Variants in TMEM132D observed in about 807,000 individuals in gnomAD.
TMEM132D encodes the protein transmembrane protein 132D.
Under a neutral mutation model 62.3 loss-of-function variants are expected in TMEM132D, and 21 were observed. The ratio of observed to expected loss-of-function variants is 0.34; its 90% confidence interval spans 0.24 to 0.49. TMEM132D has a LOEUF of 0.49. Among genes scored for constraint, TMEM132D ranks in the 20% least tolerant of loss-of-function variants. TMEM132D has a pLI of 0.99. For synonymous variants in TMEM132D, 621 were observed against 575.6 expected, an observed-to-expected ratio of 1.08 and a Z score of -1.13; for missense variants, 1,346 against 1,402.8, an observed-to-expected ratio of 0.96 and a Z score of 0.65.
chr12:129,161,005 G>A (rs1290751531), intron 5 of TMEM132D, among the ~76,000 whole-genome samples: 2 of 152,172 alleles, frequency 1.3e-5, no homozygotes, highest in East Asian at 1.9e-4. Context: ...ATACTATTTC[G>A]ATGGATTCTG....
intron 1 of TMEM132D, among the ~76,000 whole-genome samples, chr12:129,738,716 A>T (rs1869505926): frequency 1.3e-5 from 2 of 152,176 alleles, no homozygotes; most frequent in South Asian, 4.1e-4. Context: ...GGCCTTTTAT[A>T]ACAAAAGGCG....
chr12:129,095,156 C>T (rs1875060478), intron 5 of TMEM132D, among the ~76,000 whole-genome samples: 1 of 151,202 alleles, frequency 6.6e-6, no homozygotes, highest in South Asian at 2.1e-4. Context: ...ATGTTGTGCA[C>T]ATGTACCCTA....
intron 3 of TMEM132D, among the ~76,000 whole-genome samples, chr12:129,500,153 G>T (rs1309619388): frequency 1.4e-5 from 2 of 147,952 alleles, no homozygotes; most frequent in Non-Finnish European, 3.0e-5. Flanking sequence ...ACCCTGAGTG[G>T]GGAGGCAATT....
At chr12:129,634,323 A>AT (rs1879423220) in intron 2 of TMEM132D, among the ~76,000 whole-genome samples, 1 of 151,738 alleles carries the variant, frequency 6.6e-6, no homozygotes, top group African/African-American at 2.4e-5. Flanking sequence ...AAAAAAAAAA[A>AT]ATTAGCGGGG....
intron 8 of TMEM132D, among the ~76,000 whole-genome samples, chr12:129,078,144 A>G (rs528513250): frequency 6.6e-6 from 1 of 152,334 alleles, no homozygotes; most frequent in South Asian, 2.1e-4. Flanking sequence ...CAGGCTGTGC[A>G]CCTGCTCTGA....
chr12:129,115,284 T>C (rs1016193562), intron 5 of TMEM132D, among the ~76,000 whole-genome samples: 1 of 152,224 alleles, frequency 6.6e-6, no homozygotes, highest in Non-Finnish European at 1.5e-5. Context: ...GCTGGGATCT[T>C]TGAGCTCAGC....
intron 1 of TMEM132D, among the ~76,000 whole-genome samples, chr12:129,743,590 C>A (rs1869677048): frequency 6.6e-6 from 1 of 151,904 alleles, no homozygotes; most frequent in Non-Finnish European, 1.5e-5. Context: ...TTATTAGCAG[C>A]ATGAGAATGG....
intron 5 of TMEM132D, among the ~76,000 whole-genome samples, chr12:129,130,469 T>C (rs1342563143): frequency 6.6e-6 from 1 of 152,160 alleles, no homozygotes; most frequent in Non-Finnish European, 1.5e-5. Context: ...CTGGAATGAA[T>C]GCCCTAGTGC....
At chr12:129,677,488 T>A (rs554565728) in intron 2 of TMEM132D, among the ~76,000 whole-genome samples, 1 of 152,236 alleles carries the variant, frequency 6.6e-6, no homozygotes, top group Admixed American at 6.5e-5. Flanking sequence ...CAACAGTGAA[T>A]GTTGCTGTGA....
chr12:129,424,644 C>G (rs1179887684), intron 3 of TMEM132D, among the ~76,000 whole-genome samples: 1 of 128,520 alleles, frequency 7.8e-6, no homozygotes, highest in African/African-American at 2.9e-5. Context: ...GGAGGCGGAG[C>G]TTGCAGTGAG....
At chr12:129,615,790 CA>C (rs1390283857) in intron 2 of TMEM132D, among the ~76,000 whole-genome samples, 1 of 138,300 alleles carries the variant, frequency 7.2e-6, no homozygotes. Context: ...CAAAACAAAA[CA>C]AAACAAAATA....
chr12:129,898,430 G>T (rs544560878), intron 1 of TMEM132D, among the ~76,000 whole-genome samples: 1 of 152,234 alleles, frequency 6.6e-6, no homozygotes, highest in South Asian at 2.1e-4. Flanking sequence ...AAAGGCAGAA[G>T]TGCACTCCCC....
intron 1 of TMEM132D, among the ~76,000 whole-genome samples, chr12:129,838,473 G>A (rs1873075650): frequency 6.6e-6 from 1 of 152,166 alleles, no homozygotes; most frequent in Admixed American, 6.5e-5. Flanking sequence ...TGATTCCTTA[G>A]TTACTTAAAT....
chr12:129,593,969 T>C (rs978115552), intron 2 of TMEM132D, among the ~76,000 whole-genome samples: 1 of 152,208 alleles, frequency 6.6e-6, no homozygotes, highest in African/African-American at 2.4e-5. Context: ...CAACCCCCTG[T>C]TATGTATCAT....
intron 3 of TMEM132D, among the ~76,000 whole-genome samples, chr12:129,462,089 A>C (rs1873696264): frequency 6.6e-6 from 1 of 152,204 alleles, no homozygotes; most frequent in Admixed American, 6.5e-5. Context: ...AAATAATAGA[A>C]AAACCCAGGC....
At chr12:129,859,617 A>C (rs1873829040) in intron 1 of TMEM132D, among the ~76,000 whole-genome samples, 1 of 152,200 alleles carries the variant, frequency 6.6e-6, no homozygotes, top group South Asian at 2.1e-4. Flanking sequence ...GGCGGGCACC[A>C]ACCAATCAGC....
intron 3 of TMEM132D, among the ~76,000 whole-genome samples, chr12:129,381,386 A>G (rs1475192700): frequency 1.3e-5 from 2 of 152,234 alleles, no homozygotes; most frequent in Admixed American, 6.5e-5. Context: ...GAATACTGGA[A>G]AACACTTCTT....
intron 3 of TMEM132D, among the ~76,000 whole-genome samples, chr12:129,473,377 T>C (rs11060366): frequency 0.24 from 30,192 of 124,556 alleles, 3,540 homozygotes; most frequent in East Asian, 0.42. Context: ...TTGCCCAGAC[T>C]GGAGTGCAGT....
intron 1 of TMEM132D, among the ~76,000 whole-genome samples, chr12:129,868,597 G>A (rs1356722264): frequency 6.6e-6 from 1 of 152,186 alleles, no homozygotes. Flanking sequence ...CAGCACCTGA[G>A]TTGATTCAAC....
Sources: gnomAD v4.1 joint callset for allele counts (sites outside exome capture counted in the v4.1 genomes callset) on GRCh38, gnomAD v4.1.1 for gene constraint, MANE v1.5 for transcripts, NCBI Gene and HGNC (gene_info 2026-07-23, HGNC 2026-07-21) for gene names.